SRGAP1: variants seen among roughly 807,000 people sequenced by gnomAD.
SRGAP1 encodes SLIT-ROBO Rho GTPase-activating protein 1.
Under a neutral mutation model 121.9 loss-of-function variants are expected in SRGAP1, and 43 were observed. The observed-to-expected ratio is 0.35, with a 90% confidence interval of 0.28 to 0.46. The LOEUF (loss-of-function observed/expected upper bound fraction) is 0.46. Among genes scored for constraint, SRGAP1 ranks in the 20% least tolerant of loss-of-function variants. The pLI is 1.00. For missense variants in SRGAP1, 1,102 were observed against 1,350.9 expected, an observed-to-expected ratio of 0.82 and a Z score of 2.89; for synonymous variants, 447 against 485.4, an observed-to-expected ratio of 0.92 and a Z score of 1.04.
chr12:63,863,359 G>C (rs1459638046), intron 1 of SRGAP1, among the ~76,000 whole-genome samples: 1 of 149,268 alleles, frequency 6.7e-6, no homozygotes, highest in Non-Finnish European at 1.5e-5. Flanking sequence ...TGCAACCTCT[G>C]CCTCCTGGGT....
intron 4 of SRGAP1, among the ~76,000 whole-genome samples, chr12:64,024,356 A>G (rs2034609804): frequency 6.6e-6 from 1 of 152,194 alleles, no homozygotes; most frequent in Admixed American, 6.5e-5. Flanking sequence ...ACCTGAGTCC[A>G]GGAGGTCAAG....
chr12:63,903,055 T>A (rs986633252), intron 1 of SRGAP1, among the ~76,000 whole-genome samples: 13 of 143,144 alleles, frequency 9.1e-5, no homozygotes, highest in Admixed American at 1.5e-4. Flanking sequence ...GATACTAGGA[T>A]TAAACTATTA....
intron 14 of SRGAP1, among the ~76,000 whole-genome samples, chr12:64,096,249 A>G (rs75823606): frequency 0.048 from 7,377 of 152,252 alleles, 213 homozygotes; most frequent in Middle Eastern, 0.17. Context: ...GGGCAAAAAT[A>G]ATAGTAATTA....
intron 4 of SRGAP1, among the ~76,000 whole-genome samples, chr12:64,036,090 G>A (rs1385430204): frequency 6.6e-6 from 1 of 152,182 alleles, no homozygotes; most frequent in Admixed American, 6.6e-5. Context: ...GGTTTGGCCA[G>A]GTATACTAAA....
At chr12:64,064,319 T>C (rs1189916757) in intron 7 of SRGAP1, among the ~76,000 whole-genome samples, 1 of 152,192 alleles carries the variant, frequency 6.6e-6, no homozygotes, top group African/African-American at 2.4e-5. Context: ...ACAAGGCAGA[T>C]AAGAAGAAAT....
chr12:63,845,679 T>C (rs1169453819), intron 1 of SRGAP1, among the ~76,000 whole-genome samples: 1 of 152,220 alleles, frequency 6.6e-6, no homozygotes, highest in Non-Finnish European at 1.5e-5. Context: ...ATATATTTTC[T>C]CTCCAATACA....
chr12:63,987,604 C>T (rs2033451874), intron 2 of SRGAP1, among the ~76,000 whole-genome samples: 1 of 152,092 alleles, frequency 6.6e-6, no homozygotes. Flanking sequence ...CACCTGTAAT[C>T]CCAGCTACTT....
chr12:63,949,396 T>TTA (rs1555243941), intron 1 of SRGAP1, among the ~76,000 whole-genome samples: 3 of 126,072 alleles, frequency 2.4e-5, no homozygotes, highest in Non-Finnish European at 4.8e-5. Context: ...ATTTTTATTA[T>TTA]TTATTATTAT....
intron 1 of SRGAP1, among the ~76,000 whole-genome samples, chr12:63,916,932 A>C (rs907425391): frequency 5.9e-5 from 9 of 152,116 alleles, no homozygotes; most frequent in Non-Finnish European, 8.8e-5. Context: ...CCATTTGATC[A>C]AAACCACGAG....
At chr12:64,091,885 G>T in intron 12 of SRGAP1, 1 of 1,535,506 alleles carries the variant, frequency 6.5e-7, no homozygotes, top group Non-Finnish European at 8.7e-7. Flanking sequence ...TTCTGATAAT[G>T]CTTCTAGCCG....
At chr12:64,074,718 G>T (rs1210640699) in intron 8 of SRGAP1, among the ~76,000 whole-genome samples, 1 of 152,048 alleles carries the variant, frequency 6.6e-6, no homozygotes, top group Non-Finnish European at 1.5e-5. Flanking sequence ...ATTGAATAAA[G>T]AAATAACAGC....
chr12:64,077,211 A>G (rs993667844), intron 8 of SRGAP1, among the ~76,000 whole-genome samples: 7 of 152,198 alleles, frequency 4.6e-5, no homozygotes, highest in Non-Finnish European at 8.8e-5. Flanking sequence ...CAACAGGAAC[A>G]TAGAAGCCAC....
chr12:63,988,953 C>T (rs542372069), intron 2 of SRGAP1, among the ~76,000 whole-genome samples: 16 of 152,122 alleles, frequency 1.1e-4, no homozygotes, highest in East Asian at 3.9e-4. Flanking sequence ...TGGGATTACA[C>T]GTGCCCATCA....
chr12:63,886,063 AT>A (rs941971945), intron 1 of SRGAP1, among the ~76,000 whole-genome samples: 3 of 151,858 alleles, frequency 2.0e-5, no homozygotes, highest in Non-Finnish European at 2.9e-5. Context: ...AATCAAAATA[AT>A]TTTTTTTTCC....
Position 64,080,390 on chromosome 12 carries a change from T to G in SRGAP1, c.1408+20T>G. On this transcript the variant is annotated intron_variant, in intron 10 of 21. Transcript: ENST00000355086. ...GAGAAGGTGAGTTATCCAAAATGTATGGGAAGATGACCTGGATGATACATC... is the reference window on the plus strand; with the variant it reads ...GAGAAGGTGAGTTATCCAAAATGTAGGGGAAGATGACCTGGATGATACATC... The G allele has an allele frequency of 1.3e-6, 2 of 1,561,530 alleles. No homozygotes were observed. Among genetic ancestry groups the G allele is most frequent in the Non-Finnish European group, 1.8e-6 (2 of 1,132,778 alleles).
At chr12:63,884,224 A>G (rs997938138) in intron 1 of SRGAP1, among the ~76,000 whole-genome samples, 8 of 151,974 alleles carry the variant, frequency 5.3e-5, no homozygotes, top group African/African-American at 1.9e-4. Context: ...CAGAGGTTGT[A>G]GTGAGCCGAG....
At chr12:63,915,148 A>C (rs1052746868) in intron 1 of SRGAP1, among the ~76,000 whole-genome samples, 13 of 152,244 alleles carry the variant, frequency 8.5e-5, no homozygotes, top group Admixed American at 7.2e-4. Flanking sequence ...AAGAGGGGAA[A>C]TATAAAAGTT....
intron 1 of SRGAP1, among the ~76,000 whole-genome samples, chr12:63,955,718 AAAC>A (rs1431744696): frequency 6.6e-6 from 1 of 152,120 alleles, no homozygotes; most frequent in African/African-American, 2.4e-5. Context: ...TGAAAAAAAA[AAAC>A]AAGCTTTTGA....
At chr12:63,894,134 C>T (rs1036594327) in intron 1 of SRGAP1, among the ~76,000 whole-genome samples, 3 of 152,194 alleles carry the variant, frequency 2.0e-5, no homozygotes, top group Non-Finnish European at 4.4e-5. Context: ...CCACTACGCC[C>T]GGTGCCTTCA....
Sources: gnomAD v4.1 joint callset for allele counts (sites outside exome capture counted in the v4.1 genomes callset) on GRCh38, gnomAD v4.1.1 for gene constraint, MANE v1.5 for transcripts, NCBI Gene and HGNC (gene_info 2026-07-23, HGNC 2026-07-21) for gene names.